LRRTM4: variants seen among roughly 807,000 people sequenced by gnomAD.
The protein encoded by LRRTM4 is leucine rich repeat transmembrane neuronal 4, also known as leucine-rich repeat transmembrane neuronal protein 4.
Under a neutral mutation model 47.6 loss-of-function variants are expected in LRRTM4, and 25 were observed. The ratio of observed to expected loss-of-function variants is 0.53; its 90% confidence interval spans 0.38 to 0.73. The LOEUF is 0.73. Among genes scored for constraint, LRRTM4 ranks in the 30% least tolerant of loss-of-function variants. The pLI is 0.00. For synonymous variants in LRRTM4, 311 were observed against 269.5 expected (o/e 1.15, Z -1.51); for missense variants, 638 against 713.4 (o/e 0.89, Z 1.20).
At chr2:76,847,212 T>A (rs185053000) in intron 3 of LRRTM4, among the ~76,000 whole-genome samples, 22 of 151,870 alleles carry the variant, frequency 1.4e-4, no homozygotes, top group African/African-American at 4.4e-4. Context: ...ACTCTTTTGT[T>A]CCCACTCTCA....
At chr2:77,505,827 C>A (rs991407688) in intron 3 of LRRTM4, among the ~76,000 whole-genome samples, 1 of 151,356 alleles carries the variant, frequency 6.6e-6, no homozygotes, top group Admixed American at 6.6e-5. Flanking sequence ...TGATATAAAT[C>A]GAGCTCTAAG....
intron 3 of LRRTM4, chr2:77,517,666 G>A: frequency 4.1e-6 from 4 of 973,506 alleles, no homozygotes; most frequent in Non-Finnish European, 4.9e-6. Flanking sequence ...AGGAAAGGAA[G>A]GAGTGAAAGA....
chr2:77,451,824 A>C (rs751291183), intron 3 of LRRTM4, among the ~76,000 whole-genome samples: 11 of 152,216 alleles, frequency 7.2e-5, no homozygotes, highest in Non-Finnish European at 1.3e-4. Flanking sequence ...AATCTGTTGA[A>C]GTTATAGCTG....
chr2:77,190,740 G>T (rs1673645981), intron 3 of LRRTM4, among the ~76,000 whole-genome samples: 1 of 152,092 alleles, frequency 6.6e-6, no homozygotes, highest in African/African-American at 2.4e-5. Context: ...TACTCTACAT[G>T]CACACACAAT....
intron 3 of LRRTM4, among the ~76,000 whole-genome samples, chr2:76,792,533 A>T (rs1254482523): frequency 6.6e-6 from 1 of 152,034 alleles, no homozygotes; most frequent in Non-Finnish European, 1.5e-5. Context: ...ATCACATTCA[A>T]TCATATACTG....
At chr2:77,071,139 A>C (rs1014905343) in intron 3 of LRRTM4, among the ~76,000 whole-genome samples, 1 of 152,146 alleles carries the variant, frequency 6.6e-6, no homozygotes, top group Non-Finnish European at 1.5e-5. Flanking sequence ...TTTGAAATAC[A>C]CACCTTCAAT....
chr2:77,300,914 T>C (rs1409230673), intron 3 of LRRTM4, among the ~76,000 whole-genome samples: 1 of 152,182 alleles, frequency 6.6e-6, no homozygotes, highest in Non-Finnish European at 1.5e-5. Context: ...TTTTTCCATT[T>C]ATCAGTTGTG....
At chr2:77,364,873 T>A (rs1055249565) in intron 3 of LRRTM4, among the ~76,000 whole-genome samples, 2 of 151,994 alleles carry the variant, frequency 1.3e-5, no homozygotes, top group African/African-American at 4.8e-5. Flanking sequence ...TTCACCAGAG[T>A]AGAACAAATC....
intron 3 of LRRTM4, among the ~76,000 whole-genome samples, chr2:77,336,115 A>G (rs577499631): frequency 2.0e-5 from 3 of 150,246 alleles, no homozygotes; most frequent in Non-Finnish European, 4.5e-5. Flanking sequence ...AAAGAAGGAA[A>G]GAAGGGAGAA....
chr2:76,798,249 T>C (rs997574410), intron 3 of LRRTM4, among the ~76,000 whole-genome samples: 4 of 151,994 alleles, frequency 2.6e-5, no homozygotes, highest in Non-Finnish European at 5.9e-5. Context: ...TAACAAACTA[T>C]CTCTCAGACC....
chr2:76,865,666 G>A (rs1051836831), intron 3 of LRRTM4, among the ~76,000 whole-genome samples: 5 of 151,998 alleles, frequency 3.3e-5, no homozygotes, highest in Non-Finnish European at 7.4e-5. Flanking sequence ...AGAATAAAAG[G>A]AATCTCTAAG....
intron 3 of LRRTM4, among the ~76,000 whole-genome samples, chr2:77,151,869 A>C (rs1573013067): frequency 6.6e-6 from 1 of 152,130 alleles, no homozygotes. Context: ...TCTTATTTTC[A>C]TGTCCTTTAG....
chr2:76,946,946 C>G (rs951008464), intron 3 of LRRTM4, among the ~76,000 whole-genome samples: 3 of 151,778 alleles, frequency 2.0e-5, no homozygotes, highest in Non-Finnish European at 2.9e-5. Flanking sequence ...GGAAGAAAGG[C>G]CAAGTTCCTT....
chr2:77,469,121 G>T (rs1274568970), intron 3 of LRRTM4, among the ~76,000 whole-genome samples: 2 of 152,208 alleles, frequency 1.3e-5, no homozygotes, highest in African/African-American at 4.8e-5. Flanking sequence ...AGACATTGAG[G>T]AAATGAATGC....
chr2:76,861,266 G>A (rs1672303995), intron 3 of LRRTM4, among the ~76,000 whole-genome samples: 1 of 151,982 alleles, frequency 6.6e-6, no homozygotes, highest in Non-Finnish European at 1.5e-5. Flanking sequence ...AAAATTCCAG[G>A]AATGCAGAAG....
intron 3 of LRRTM4, among the ~76,000 whole-genome samples, chr2:77,265,265 A>C (rs927141816): frequency 1.3e-5 from 2 of 152,102 alleles, no homozygotes; most frequent in African/African-American, 4.8e-5. Flanking sequence ...TATGGTTTGA[A>C]TGTGTCCCCA....
intron 3 of LRRTM4, among the ~76,000 whole-genome samples, chr2:76,800,315 T>A (rs1256988750): frequency 1.6e-4 from 24 of 148,408 alleles, no homozygotes. Flanking sequence ...TACAACTATC[T>A]GATCTTTGAC....
intron 3 of LRRTM4, among the ~76,000 whole-genome samples, chr2:76,912,291 T>C (rs1235682125): frequency 6.6e-6 from 1 of 152,208 alleles, no homozygotes; most frequent in Non-Finnish European, 1.5e-5. Flanking sequence ...ATAACCTGTT[T>C]TCGTTACCAA....
Position 76,748,094 on chromosome 2 carries a change from C to T in LRRTM4, c.*601G>A, listed in dbSNP as rs1032775490. Reference sequence around the variant, plus strand: ...TTTGTGGTCAACTTTCTCCGTGGTCCGTGGTAAAGCACATTTTCTTTTGGT... The same window carrying T: ...TTTGTGGTCAACTTTCTCCGTGGTCTGTGGTAAAGCACATTTTCTTTTGGT... On this transcript the variant is annotated 3_prime_UTR_variant, in exon 4 of 4. Transcript: ENST00000409884. 9 of 152,264 alleles carry T rather than the reference C, an allele frequency of 5.9e-5. No homozygotes were observed. The highest frequency in any genetic ancestry group is 2.2e-4 in the African/African-American group (9 of 41,474). The allele number at this position is 152,264 out of a possible 1,614,324, so 9.4% of individuals were successfully genotyped here.
Sources: gnomAD v4.1 joint callset for allele counts (sites outside exome capture counted in the v4.1 genomes callset) on GRCh38, gnomAD v4.1.1 for gene constraint, MANE v1.5 for transcripts, NCBI Gene and HGNC (gene_info 2026-07-23, HGNC 2026-07-21) for gene names.